The following ARHGAP31 variants were observed in gnomAD, a reference collection of about 807,000 sequenced individuals.
ARHGAP31 encodes rho GTPase-activating protein 31.
Under a neutral mutation model 113.9 loss-of-function variants are expected in ARHGAP31, and 34 were observed. The observed-to-expected ratio is 0.30, with a 90% CI of 0.23 to 0.40. The LOEUF (loss-of-function observed/expected upper bound fraction) is 0.40, where lower values mean the gene tolerates loss of function less well. Among genes scored for constraint, ARHGAP31 ranks in the 10% least tolerant of loss-of-function variants. The pLI, the probability that ARHGAP31 is intolerant of heterozygous loss-of-function variation, is 1.00. For synonymous variants in ARHGAP31, 650 were observed against 684.8 expected (o/e 0.95, Z 0.79); for missense variants, 1,548 against 1,767.1 (o/e 0.88, Z 2.22).
intron 3 of ARHGAP31, among the ~76,000 whole-genome samples, chr3:119,368,996 G>A (rs79411340): frequency 0.097 from 14,744 of 152,220 alleles, 966 homozygotes; most frequent in Admixed American, 0.21. Flanking sequence ...GTGTCAGAAA[G>A]CTGGGAAGAG....
At chr3:119,319,758 G>A (rs1287613039) in intron 1 of ARHGAP31, among the ~76,000 whole-genome samples, 1 of 152,212 alleles carries the variant, frequency 6.6e-6, no homozygotes, top group Non-Finnish European at 1.5e-5. Context: ...GGGTGGTGAG[G>A]TTGGTGAGAT....
intron 1 of ARHGAP31, among the ~76,000 whole-genome samples, chr3:119,328,803 G>C (rs1559968477): frequency 6.6e-6 from 1 of 152,110 alleles, no homozygotes; most frequent in Non-Finnish European, 1.5e-5. Flanking sequence ...ACCATGCACA[G>C]CTAACTTTTT....
chr3:119,409,146 C>G (rs59346852), intron 10 of ARHGAP31, among the ~76,000 whole-genome samples: 51,981 of 151,990 alleles, frequency 0.34, 9,180 homozygotes, highest in South Asian at 0.43. Flanking sequence ...CTAACCACTA[C>G]ATGCCAGTAG....
rs1577038591 is a variant in ARHGAP31, at chr3:119,417,349, A to C, written c.*1085A>C. 1.3e-5 allele frequency: 2 copies of C among 152,434 alleles called. No individual in the cohort carries two copies. Among genetic ancestry groups the C allele is most frequent in the Admixed American group, 1.3e-4 (2 of 15,310 alleles). The allele number at this position is 152,434 out of a possible 1,614,324, so 9.4% of individuals were successfully genotyped here. A position where few individuals can be genotyped will look rare whatever the true frequency, so the allele number is the denominator to read the frequency against. ...CAGGAGGCGAGGGAAGAGCCCTAGC[A>C]GGGCGGCCATCACAACCACTCACTG... On this transcript the variant is annotated 3_prime_UTR_variant, in exon 12 of 12. Coordinates refer to ENST00000264245, the MANE Select transcript of ARHGAP31 (RefSeq NM_020754.4).
intron 1 of ARHGAP31, among the ~76,000 whole-genome samples, chr3:119,342,596 A>G (rs1227826834): frequency 6.6e-6 from 1 of 152,236 alleles, no homozygotes; most frequent in Non-Finnish European, 1.5e-5. Flanking sequence ...TGCCAAAAAA[A>G]TAAGTAAGAG....
intron 1 of ARHGAP31, among the ~76,000 whole-genome samples, chr3:119,316,078 C>G (rs141576076): frequency 6.6e-6 from 1 of 152,186 alleles, no homozygotes. Flanking sequence ...GATGCAAGCT[C>G]TATGTACACA....
rs2080697078 is a variant in ARHGAP31 at position 119,409,559 on chromosome 3, T to C, written c.1709T>C (p.Val570Ala). Residue 570 changes from valine to alanine, a missense_variant, in exon 11 of 12, where the codon GTG (valine) becomes GCG (alanine). Transcript: ENST00000264245. ...GCAGTACCTGAAGCACCGGGGACAG[T>C]GGAATGCAGCAAAGGCCTGTCCCAG... ...AKAVPEAPGTVECSKGLSQEP... is the reference protein window; with the variant it reads ...AKAVPEAPGTAECSKGLSQEP... The C allele has an allele frequency of 6.2e-7, 1 of 1,614,040 alleles. No individual in the cohort carries two copies. The highest frequency in any genetic ancestry group is 8.5e-7 in the Non-Finnish European group (1 of 1,180,028).
chr3:119,379,418 C>T, intron 3 of ARHGAP31, among the ~76,000 whole-genome samples: 1 of 152,128 alleles, frequency 6.6e-6, no homozygotes. Flanking sequence ...AAAGTTAATT[C>T]CCTTCCACTT....
At chr3:119,305,933 T>C (rs1372584143) in intron 1 of ARHGAP31, among the ~76,000 whole-genome samples, 1 of 152,190 alleles carries the variant, frequency 6.6e-6, no homozygotes, top group Non-Finnish European at 1.5e-5. Flanking sequence ...TCCCCCCTCC[T>C]AAGCCTGACT....
At chr3:119,369,588 A>G (rs149188214) in intron 3 of ARHGAP31, among the ~76,000 whole-genome samples, 4 of 152,372 alleles carry the variant, frequency 2.6e-5, no homozygotes, top group African/African-American at 9.6e-5. Context: ...GAAATGATAC[A>G]GGAATAAATG....
At chr3:119,373,526 C>T (rs768346350) in intron 3 of ARHGAP31, among the ~76,000 whole-genome samples, 2 of 151,528 alleles carry the variant, frequency 1.3e-5, no homozygotes, top group African/African-American at 4.8e-5. Context: ...AGCAGTGGTG[C>T]GATCACGGCT....
rs1378318297 is a variant in ARHGAP31, at chr3:119,390,655, C to T, written c.683-130C>T. 24 of 1,024,508 alleles carry T rather than the reference C, an allele frequency of 2.3e-5. No individual in the cohort carries two copies. The Admixed American group carries it at 4.6e-4, about 19-fold the overall frequency. The allele number at this position is 1,024,508 out of a possible 1,614,324, so 63.5% of individuals were successfully genotyped here. ...AGCCTCAGCCCCAGGCCCCACCATGCCCAAGAGAAGCCAGGGTGGCACTCA... is the reference window on the plus strand; with the variant it reads ...AGCCTCAGCCCCAGGCCCCACCATGTCCAAGAGAAGCCAGGGTGGCACTCA... On this transcript the variant is annotated intron_variant, in intron 6 of 11. Transcript: ENST00000264245.
chr3:119,389,019 G>A (rs918692029), intron 6 of ARHGAP31, among the ~76,000 whole-genome samples: 45 of 152,240 alleles, frequency 3.0e-4, no homozygotes, highest in African/African-American at 1.1e-3. Context: ...AAATTAGCTT[G>A]GCATGGCGGT....
At position 119,409,625 on chromosome 3, in the gene ARHGAP31, G is replaced by T; in HGVS notation, c.1775G>T (p.Ser592Ile). 6.2e-7 allele frequency: 1 copy of T among 1,613,702 alleles called. No homozygotes were observed. The highest frequency in any genetic ancestry group is 8.5e-7 in the Non-Finnish European group (1 of 1,179,802). The change falls in exon 11 of 12, where the codon AGC becomes ATC. Residue 592 changes from serine to isoleucine, a missense_variant. By Grantham distance (142) the Ser-to-Ile change is moderately radical. Coordinates refer to ENST00000264245, the MANE Select transcript of ARHGAP31 (RefSeq NM_020754.4). ...AHLEEKKTPE[S>I]SLSSQHLNEL... ...CTGGAGGAGAAGAAAACCCCAGAAA[G>T]CTCCTTGAGCTCTCAACATTTAAAT...
At position 119,414,755 on chromosome 3, in the gene ARHGAP31, G is replaced by C. The variant is rs755672113; in HGVS notation, c.2826G>C (p.Arg942Ser). The change falls in exon 12 of 12, where the codon AGG becomes AGC. Residue 942 changes from arginine (R) to serine (S), a missense_variant. Coordinates refer to ENST00000264245, the MANE Select transcript of ARHGAP31 (RefSeq NM_020754.4). ...QGLQGHQLEK[R>S]LSHRPSLRQS... ...TTCAGGGTCACCAGTTGGAGAAGAG[G>C]CTTTCCCACAGGCCCAGCCTTCGCC... 8.1e-6 allele frequency: 13 copies of C among 1,614,072 alleles called. No individual in the cohort carries two copies. The highest frequency in any genetic ancestry group is 1.3e-5 in the African/African-American group (1 of 74,930).
At chr3:119,324,924 A>G (rs1457005919) in intron 1 of ARHGAP31, 2 of 456,648 alleles carry the variant, frequency 4.4e-6, no homozygotes, top group African/African-American at 4.0e-5. Context: ...TGAAGGTGCT[A>G]TACTTTACTT....
chr3:119,333,327 T>G (rs953076769), intron 1 of ARHGAP31, among the ~76,000 whole-genome samples: 3 of 152,222 alleles, frequency 2.0e-5, no homozygotes, highest in African/African-American at 7.2e-5. Context: ...TTCTAACTGT[T>G]GTACATTTCT....
intron 1 of ARHGAP31, among the ~76,000 whole-genome samples, chr3:119,364,359 T>C (rs1360171163): frequency 6.6e-6 from 1 of 152,230 alleles, no homozygotes; most frequent in Non-Finnish European, 1.5e-5. Context: ...TTTTTAAATC[T>C]AAACTGAATT....
intron 1 of ARHGAP31, among the ~76,000 whole-genome samples, chr3:119,344,450 G>C (rs905858728): frequency 5.9e-5 from 9 of 152,294 alleles, no homozygotes; most frequent in Admixed American, 1.3e-4. Context: ...AGGGCATGGT[G>C]CTGGGTGCTA....
Sources: allele counts gnomAD v4.1 joint callset (sites outside exome capture counted in the v4.1 genomes callset), GRCh38; gene constraint gnomAD v4.1.1; transcripts MANE v1.5; gene names NCBI Gene and HGNC (gene_info 2026-07-23, HGNC 2026-07-21).